Variants in CCNL1 observed in about 807,000 individuals in gnomAD.
CCNL1 encodes the protein cyclin-L1.
A neutral mutation model predicts 60.6 loss-of-function variants in CCNL1; 13 were observed. The ratio of observed to expected loss-of-function variants is 0.21; its 90% CI spans 0.14 to 0.34. The LOEUF (loss-of-function observed/expected upper bound fraction) is 0.34, where lower values mean the gene tolerates loss of function less well. Ranked by LOEUF, CCNL1 falls within the 10% of genes least tolerant of loss-of-function variation. The pLI is 1.00. For missense variants in CCNL1, 481 were observed against 664.3 expected, an observed-to-expected ratio of 0.72 and a Z score of 3.03; for synonymous variants, 270 against 244.3, an observed-to-expected ratio of 1.10 and a Z score of -0.98.
At chr3:157,143,381 G>T (rs1475808329), downstream of CCNL1, among the ~76,000 whole-genome samples, 4 of 152,160 alleles carry the variant, frequency 2.6e-5, no homozygotes, top group Non-Finnish European at 5.9e-5. Flanking sequence ...GATTGGACAT[G>T]CCCATATGAA....
downstream of CCNL1, among the ~76,000 whole-genome samples, chr3:157,143,506 CCAGA>C (rs201819851): frequency 0.01 from 1,530 of 152,252 alleles, 9 homozygotes; most frequent in Non-Finnish European, 0.016. Flanking sequence ...CTAATATGGG[CCAGA>C]CACTCATAGG....
Position 157,149,609 on chromosome 3 carries a change from A to G in CCNL1, c.1022-13T>C. 7 of 1,605,640 alleles carry G rather than the reference A, an allele frequency of 4.4e-6. No individual in the cohort carries two copies. The highest frequency in any genetic ancestry group is 6.0e-6 in the Non-Finnish European group (7 of 1,174,458). ...TCTCTTGGTGATGCTTTTAAAAGAT[A>G]TAATAACAACATGTTAACTACTGGA... On this transcript the variant is annotated splice_polypyrimidine_tract_variant and intron_variant, in intron 8 of 10. Transcript: ENST00000295926.
chr3:157,150,614 T>C, intron 5 of CCNL1: 1 of 1,211,002 alleles, frequency 8.3e-7, no homozygotes, highest in South Asian at 3.1e-5. Flanking sequence ...TTTAAATTAT[T>C]TCATATTACA....
At chr3:157,156,450 A>T (rs1738631111) in intron 3 of CCNL1, among the ~76,000 whole-genome samples, 1 of 152,232 alleles carries the variant, frequency 6.6e-6, no homozygotes, top group South Asian at 2.1e-4. Flanking sequence ...AATACGCTGC[A>T]TCTCAAAAGT....
In CCNL1 at chr3:157,147,783, G is replaced by A; in HGVS notation, c.*458C>T. The A allele has an allele frequency of 7.2e-6, 7 of 978,966 alleles. No homozygotes were observed. The highest frequency in any genetic ancestry group is 8.5e-6 in the Non-Finnish European group (7 of 823,830). 60.6% of individuals were successfully genotyped at this position (978,966 alleles called of 1,614,324 possible). ...CTTTTTAATAATTTATTTAAATAAG[G>A]TATTTGAAGCAGTTTAGAAAAAACA... On this transcript the variant is annotated 3_prime_UTR_variant, in exon 11 of 11. Transcript: ENST00000295926.
chr3:157,151,164 G>C, intron 5 of CCNL1: 1 of 984,626 alleles, frequency 1.0e-6, no homozygotes. Flanking sequence ...TACTTAAAAT[G>C]TCATGCATTT....
At chr3:157,150,953 CCTT>C (rs2108117121) in intron 5 of CCNL1, 1 of 984,572 alleles carries the variant, frequency 1.0e-6, no homozygotes, top group South Asian at 4.7e-5. Context: ...TGTTTACATA[CCTT>C]TTTTGTGACT....
chr3:157,159,554 G>C, intron 1 of CCNL1, 75 bp from the exon 2 acceptor site: 1 of 1,386,062 alleles, frequency 7.2e-7, no homozygotes, highest in South Asian at 1.2e-5. Flanking sequence ...ATTTTGTGCC[G>C]CCGATCGCTT....
chr3:157,146,516 T>C (rs1367104263), downstream of CCNL1: 7 of 450,524 alleles, frequency 1.6e-5, no homozygotes, highest in East Asian at 4.2e-4. Context: ...TTCAACACTA[T>C]TAAGAATTTA....
intron 3 of CCNL1, chr3:157,153,526 C>T (rs1485773406): frequency 5.9e-6 from 1 of 169,006 alleles, no homozygotes; most frequent in African/African-American, 2.4e-5. Context: ...AGACTTTCCA[C>T]TGGCCAAAGT....
intron 3 of CCNL1, chr3:157,157,022 C>T (rs1448870521): frequency 3.1e-6 from 4 of 1,289,784 alleles, no homozygotes; most frequent in South Asian, 2.5e-5. Context: ...GTTGCCATGA[C>T]GACAGCTTCA....
At chr3:157,146,610 A>G, downstream of CCNL1, 1 of 78,842 alleles carries the variant, frequency 1.3e-5, no homozygotes. Context: ...CCTCGTCTCT[A>G]AAAAAAAAAA....
chr3:157,146,346 A>G (rs1195158850), downstream of CCNL1, among the ~76,000 whole-genome samples: 1 of 152,150 alleles, frequency 6.6e-6, no homozygotes, highest in East Asian at 1.9e-4. Context: ...AAGACCCTGA[A>G]AAAGATCTTT....
chr3:157,159,712 G>T (rs1738928216), intron 1 of CCNL1, 80 bp downstream of exon 1: 1 of 1,296,256 alleles, frequency 7.7e-7, no homozygotes, highest in Non-Finnish European at 1.0e-6. Context: ...CCCTCCCGGG[G>T]CACGGTGATA....
intron 5 of CCNL1, chr3:157,151,387 C>T: frequency 4.1e-6 from 4 of 985,862 alleles, no homozygotes; most frequent in Non-Finnish European, 4.8e-6. Flanking sequence ...CCAAATCACA[C>T]ATCTGCATCT....
At position 157,148,289 on chromosome 3, in the gene CCNL1, G is replaced by C; in HGVS notation, c.1533C>G (p.Ser511Arg). The change falls in exon 11 of 11, where the codon AGC (serine) becomes AGG (arginine). Residue 511 changes from serine to arginine, a missense_variant. By Grantham distance (110) the Ser-to-Arg change is moderately radical. This residue lies in a region of CCNL1 where 197 missense variants were observed against 233.9 expected (regional missense o/e 0.84). Transcript: ENST00000295926. ...CTGAGCGACTGCCACCATGGTGCTT[G>C]CTTTTATGGGACCTCTCAAAGGAGC... ...RSRSFERSHK[S>R]KHHGGSRSGH... 1 of 1,614,224 alleles carries C rather than the reference G, an allele frequency of 6.2e-7. No individual in the cohort carries two copies. The highest frequency in any genetic ancestry group is 8.5e-7 in the Non-Finnish European group (1 of 1,180,036).
In CCNL1 at chr3:157,150,090, G is replaced by A; in HGVS notation, c.854C>T (p.Thr285Ile). ...CTTTTTTCTGGTATAAAGCCTAAGT[G>A]TTTCTATGCAGATTTCCTGGATTTC... ...EEEIQEICIE[T>I]LRLYTRKKPN... The change falls in exon 7 of 11, where the codon ACA (threonine) becomes ATA (isoleucine). Residue 285 changes from threonine to isoleucine, a missense_variant. Physicochemically the swap from Thr to Ile is moderately conservative, Grantham distance 89. Around this residue, in one of 5 missense-constraint regions of CCNL1, gnomAD observed 75 missense variants for 129.6 expected, o/e 0.58. Transcript: ENST00000295926. The A allele has an allele frequency of 6.2e-7, 1 of 1,612,500 alleles. No homozygotes were observed. Among genetic ancestry groups the A allele is most frequent in the Non-Finnish European group, 8.5e-7 (1 of 1,179,562 alleles).
intron 5 of CCNL1, 41 bp downstream of exon 5, chr3:157,152,136 T>C: frequency 6.3e-7 from 1 of 1,596,304 alleles, no homozygotes; most frequent in Non-Finnish European, 8.5e-7. Context: ...TTTCTGCTTC[T>C]GTTTTCCTGG....
intron 1 of CCNL1, 90 bp downstream of exon 1, chr3:157,159,702 C>CGGTTCCCA: frequency 7.9e-7 from 1 of 1,258,154 alleles, no homozygotes; most frequent in Admixed American, 2.8e-5. Context: ...ACCGTCCCCA[C>CGGTTCCCA]CCTCCCGGGG....
Sources: allele counts gnomAD v4.1 joint callset (sites outside exome capture counted in the v4.1 genomes callset), GRCh38; gene constraint gnomAD v4.1.1; regional missense constraint gnomAD v4.1.1; transcripts MANE v1.5; gene names NCBI Gene and HGNC (gene_info 2026-07-23, HGNC 2026-07-21).